CTDSPL: variants seen among roughly 807,000 people sequenced by gnomAD.
The protein encoded by CTDSPL is CTD small phosphatase-like protein.
CTDSPL carries 8 observed loss-of-function variants against 30.5 expected under a neutral mutation model. The ratio of observed to expected loss-of-function variants is 0.26; its 90% CI spans 0.15 to 0.47. The LOEUF (loss-of-function observed/expected upper bound fraction) is 0.47. CTDSPL is among the 20% of genes least tolerant of loss of function. CTDSPL has a pLI of 0.99. For synonymous variants in CTDSPL, 110 were observed against 137.9 expected (o/e 0.80, Z 1.42); for missense variants, 248 against 366.1 (o/e 0.68, Z 2.63).
At chr3:37,921,703 T>C (rs1422569719) in intron 1 of CTDSPL, among the ~76,000 whole-genome samples, 1 of 152,090 alleles carries the variant, frequency 6.6e-6, no homozygotes, top group Admixed American at 6.5e-5. Flanking sequence ...ATTATGACTC[T>C]TTGAGGTCTA....
chr3:37,916,463 A>T (rs1191488350), intron 1 of CTDSPL, among the ~76,000 whole-genome samples: 1 of 152,160 alleles, frequency 6.6e-6, no homozygotes, highest in South Asian at 2.1e-4. Flanking sequence ...AGTTAAGGTA[A>T]GGTCGTACTG....
intron 6 of CTDSPL, among the ~76,000 whole-genome samples, chr3:37,974,839 C>T (rs1189769881): frequency 6.6e-6 from 1 of 152,168 alleles, no homozygotes; most frequent in Non-Finnish European, 1.5e-5. Flanking sequence ...GGGGCAGTGT[C>T]ATGCCATTCA....
chr3:37,896,816 G>A (rs1381366502), intron 1 of CTDSPL, among the ~76,000 whole-genome samples: 2 of 152,138 alleles, frequency 1.3e-5, no homozygotes, highest in Non-Finnish European at 2.9e-5. Context: ...TGGGATTACA[G>A]GCGTGAGTCA....
chr3:37,903,861 T>G (rs1698481468), intron 1 of CTDSPL, among the ~76,000 whole-genome samples: 1 of 152,222 alleles, frequency 6.6e-6, no homozygotes, highest in South Asian at 2.1e-4. Flanking sequence ...TCCTGCCAAG[T>G]CCATGTGCAG....
At chr3:37,878,751 A>AT (rs1201935542) in intron 1 of CTDSPL, among the ~76,000 whole-genome samples, 6 of 152,200 alleles carry the variant, frequency 3.9e-5, no homozygotes, top group African/African-American at 1.4e-4. Context: ...ACCCAAACAG[A>AT]TTTTGTATCG....
intron 1 of CTDSPL, among the ~76,000 whole-genome samples, chr3:37,908,832 T>C (rs548827544): frequency 6.6e-6 from 1 of 152,374 alleles, no homozygotes; most frequent in East Asian, 1.9e-4. Flanking sequence ...ACATTGTTTT[T>C]ATTTTTGCAT....
At position 37,967,762 on chromosome 3, in the gene CTDSPL, G is replaced by C. The variant is rs1001868746; in HGVS notation, c.370-64G>C. On this transcript the variant is annotated intron_variant, in intron 4 of 7. Transcript: ENST00000273179. ...ATTGGTCTAGGCAGGCTTTTTTCTT[G>C]CTAAAATTTCCAGAGTTTTTTTGTT... is the stretch of plus-strand genomic sequence containing the variant. 12 of 1,239,266 alleles carry C rather than the reference G, an allele frequency of 9.7e-6. No individual in the cohort carries two copies. The African/African-American group carries it at 1.7e-4, about 18-fold the overall frequency. The allele number at this position is 1,239,266 out of a possible 1,614,324, so 76.8% of individuals were successfully genotyped here. A position where few individuals can be genotyped will look rare whatever the true frequency, so the allele number is the denominator to read the frequency against.
intron 1 of CTDSPL, among the ~76,000 whole-genome samples, chr3:37,908,935 C>T (rs751265213): frequency 6.6e-6 from 1 of 152,140 alleles, no homozygotes; most frequent in East Asian, 1.9e-4. Flanking sequence ...TTGGGTTATT[C>T]TTTTCCGTAT....
At chr3:37,915,721 A>G (rs6768915) in intron 1 of CTDSPL, among the ~76,000 whole-genome samples, 10,707 of 152,228 alleles carry the variant, frequency 0.07, 669 homozygotes, top group African/African-American at 0.17. Flanking sequence ...TAAAAATCCC[A>G]TATCTAATAA....
At chr3:37,944,501 T>C (rs77143333) in intron 1 of CTDSPL, among the ~76,000 whole-genome samples, 1,753 of 150,118 alleles carry the variant, frequency 0.012, 67 homozygotes, top group African/African-American at 0.04. Flanking sequence ...TGGAAGGCAG[T>C]AGGGTCATTA....
At chr3:37,959,558 A>C (rs1699212793) in intron 3 of CTDSPL, among the ~76,000 whole-genome samples, 1 of 152,278 alleles carries the variant, frequency 6.6e-6, no homozygotes. Flanking sequence ...CTTTCTAACA[A>C]GATGCCTTGA....
At chr3:37,863,385 T>A (rs531899798) in intron 1 of CTDSPL, among the ~76,000 whole-genome samples, 1 of 152,360 alleles carries the variant, frequency 6.6e-6, no homozygotes, top group Non-Finnish European at 1.5e-5. Flanking sequence ...TGTTCCCACT[T>A]AGAGACTTGG....
Position 37,982,796 on chromosome 3 carries a change from T to A in CTDSPL, c.*1929T>A. ...AACTGCCCATGCCACAAATATTTAT[T>A]TGGAAAAGTAGTCATTAAATGAACC... On this transcript the variant is annotated 3_prime_UTR_variant, in exon 8 of 8. Transcript: ENST00000273179. 1 of 371,630 alleles carries A rather than the reference T, an allele frequency of 2.7e-6. No individual in the cohort carries two copies. The highest frequency in any genetic ancestry group is 6.1e-4 in the Middle Eastern group (1 of 1,646). The allele number at this position is 371,630 out of a possible 1,614,324, so 23.0% of individuals were successfully genotyped here.
intron 1 of CTDSPL, among the ~76,000 whole-genome samples, chr3:37,876,656 ATTGT>A (rs961117828): frequency 1.3e-5 from 2 of 152,124 alleles, no homozygotes; most frequent in African/African-American, 4.8e-5. Context: ...TAAAAACTGA[ATTGT>A]TTGAGTGCTT....
chr3:37,970,880 G>A (rs142071042), intron 5 of CTDSPL, among the ~76,000 whole-genome samples: 28 of 152,322 alleles, frequency 1.8e-4, no homozygotes, highest in African/African-American at 5.1e-4. Flanking sequence ...GCCCCTTCTT[G>A]CAGCTTTGCT....
At chr3:37,953,431 A>C (rs1051479116) in intron 2 of CTDSPL, among the ~76,000 whole-genome samples, 38 of 152,248 alleles carry the variant, frequency 2.5e-4, no homozygotes, top group African/African-American at 9.2e-4. Context: ...ACATGACTGC[A>C]TCTAAGTTCA....
At chr3:37,880,033 A>C (rs568741620) in intron 1 of CTDSPL, among the ~76,000 whole-genome samples, 15 of 151,060 alleles carry the variant, frequency 9.9e-5, no homozygotes, top group African/African-American at 3.4e-4. Flanking sequence ...TGAGGTATTT[A>C]AGCACAGTGC....
At chr3:37,910,966 A>G (rs1015813581) in intron 1 of CTDSPL, among the ~76,000 whole-genome samples, 10 of 152,216 alleles carry the variant, frequency 6.6e-5, no homozygotes, top group African/African-American at 2.4e-4. Flanking sequence ...TGCTGTGGGA[A>G]GGCAGGCGTC....
At position 37,945,101 on chromosome 3, in the gene CTDSPL, A is replaced by G. The variant is rs1405637471; in HGVS notation, c.80-1956A>G. ...TGAGACATGAACAAATAGCTTGTTT[A>G]CTTGCAGAGGAATGTGCTATCAGCC... On this transcript the variant is annotated intron_variant, in intron 1 of 7. Transcript: ENST00000273179. Among the ~76,000 whole-genome samples the G allele has an allele frequency of 2.0e-5, 3 of 150,370 alleles. No individual in the cohort carries two copies. In the East Asian group the frequency reaches 5.8e-4, roughly 29 times the overall value.
Sources: gnomAD v4.1 joint callset for allele counts (sites outside exome capture counted in the v4.1 genomes callset) on GRCh38, gnomAD v4.1.1 for gene constraint, MANE v1.5 for transcripts, NCBI Gene and HGNC (gene_info 2026-07-23, HGNC 2026-07-21) for gene names.